The following PAX2 variants were observed in gnomAD, a reference collection of about 807,000 sequenced individuals.
PAX2 encodes the protein paired box protein Pax-2.
Under a neutral mutation model 41.7 loss-of-function variants are expected in PAX2, and 9 were observed. The ratio of observed to expected loss-of-function variants is 0.22; its 90% confidence interval spans 0.13 to 0.38. The LOEUF is 0.38. PAX2 is among the 10% of genes least tolerant of loss of function. The pLI, the probability that PAX2 is intolerant of heterozygous loss-of-function variation, is 1.00. For synonymous variants in PAX2, 221 were observed against 212.7 expected, an observed-to-expected ratio of 1.04 and a Z score of -0.34; for missense variants, 418 against 531.6, an observed-to-expected ratio of 0.79 and a Z score of 2.10.
chr10:100,793,310 C>T (rs1260482982), intron 5 of PAX2, among the ~76,000 whole-genome samples: 1 of 152,242 alleles, frequency 6.6e-6, no homozygotes, highest in African/African-American at 2.4e-5. Flanking sequence ...AGTTGATCTC[C>T]TCGGGGAATT....
chr10:100,813,146 C>A (rs528201614), intron 7 of PAX2, among the ~76,000 whole-genome samples: 50 of 152,352 alleles, frequency 3.3e-4, no homozygotes, highest in African/African-American at 1.2e-3. Flanking sequence ...TGGACAGGCT[C>A]GCTCTAGAAG....
chr10:100,799,805 T>G (rs1847480536), intron 5 of PAX2, among the ~76,000 whole-genome samples: 1 of 148,064 alleles, frequency 6.8e-6, no homozygotes, highest in Admixed American at 6.7e-5. Flanking sequence ...TTTTTTTTTT[T>G]TTTTTCTGAG....
chr10:100,775,722 C>T (rs1846364181), intron 3 of PAX2, among the ~76,000 whole-genome samples: 1 of 152,210 alleles, frequency 6.6e-6, no homozygotes, highest in African/African-American at 2.4e-5. Flanking sequence ...GAGCCACCCA[C>T]AGGCCCAGTG....
At position 100,750,242 on chromosome 10, in the gene PAX2, G is replaced by A. The variant is rs888835486; in HGVS notation, c.212+328G>A. Reference sequence around the variant, plus strand: ...GGTGGGAGACATTAGAGGAATGGGGGGGGAGTGAAAATGGGTCCCCGAGAG... The same window carrying A: ...GGTGGGAGACATTAGAGGAATGGGGAGGGAGTGAAAATGGGTCCCCGAGAG... On this transcript the variant is annotated intron_variant, in intron 2 of 9. Coordinates refer to ENST00000355243, the MANE Select transcript of PAX2 (RefSeq NM_000278.5). This position sits in a 1 kb window ranked among gnomAD's most constrained non-coding sequence, Gnocchi z 4.1. 6.6e-6 allele frequency among the ~76,000 whole-genome samples: 1 copy of A among 152,046 alleles called. No homozygotes were observed. The highest frequency in any genetic ancestry group is 1.5e-5 in the Non-Finnish European group (1 of 68,008).
chr10:100,776,439 C>T (rs192919518), intron 3 of PAX2, among the ~76,000 whole-genome samples: 1 of 152,358 alleles, frequency 6.6e-6, no homozygotes, highest in East Asian at 1.9e-4. Flanking sequence ...TTCTTCTCCA[C>T]TGACTTAGGT....
At chr10:100,802,820 C>T (rs968702501) in intron 5 of PAX2, among the ~76,000 whole-genome samples, 1 of 152,146 alleles carries the variant, frequency 6.6e-6, no homozygotes, top group African/African-American at 2.4e-5. Context: ...TCCTTCCCTG[C>T]TCACTAGATT....
At chr10:100,737,917 C>G (rs989500949) in intron 1 of PAX2, among the ~76,000 whole-genome samples, 2 of 152,162 alleles carry the variant, frequency 1.3e-5, no homozygotes, top group African/African-American at 4.8e-5. Context: ...TCCGGAGCAG[C>G]GAAAACCATC....
intron 7 of PAX2, among the ~76,000 whole-genome samples, chr10:100,818,203 G>A (rs1848253027): frequency 1.3e-5 from 2 of 152,190 alleles, no homozygotes; most frequent in South Asian, 4.1e-4. Flanking sequence ...CATTTTCAGA[G>A]AAAGATGCTG....
chr10:100,751,634 G>C (rs764008452), intron 3 of PAX2, among the ~76,000 whole-genome samples: 1 of 152,224 alleles, frequency 6.6e-6, no homozygotes, highest in Non-Finnish European at 1.5e-5. Flanking sequence ...TCAGCTTGAC[G>C]TGTAGGATAT....
At chr10:100,749,487 G>C (rs1564705858) in intron 1 of PAX2, 2 of 1,308,078 alleles carry the variant, frequency 1.5e-6, no homozygotes, top group Admixed American at 7.6e-5. Flanking sequence ...TTTCTCTCCA[G>C]TCCCCCCTTT....
chr10:100,782,409 T>C (rs1189584763), intron 5 of PAX2, among the ~76,000 whole-genome samples: 1 of 152,264 alleles, frequency 6.6e-6, no homozygotes, highest in Non-Finnish European at 1.5e-5. Flanking sequence ...CAATAAATTA[T>C]GTGGTCATTC....
At chr10:100,747,815 C>G in intron 1 of PAX2, 1 of 985,070 alleles carries the variant, frequency 1.0e-6, no homozygotes, top group African/African-American at 1.7e-5. Context: ...GGAGTGGAAC[C>G]GGGTCCACAC....
At chr10:100,747,946 C>T (rs1845262874) in intron 1 of PAX2, 4 of 983,248 alleles carry the variant, frequency 4.1e-6, no homozygotes, top group African/African-American at 1.8e-5. Context: ...ACTTTGAAAC[C>T]CAAAGGTTTC....
intron 7 of PAX2, among the ~76,000 whole-genome samples, chr10:100,815,627 G>A (rs1236410580): frequency 2.0e-5 from 3 of 152,112 alleles, no homozygotes; most frequent in Non-Finnish European, 4.4e-5. Flanking sequence ...CAGATATGCG[G>A]CTGCTCTCGG....
chr10:100,762,214 C>A (rs1236028215), intron 3 of PAX2, among the ~76,000 whole-genome samples: 43 of 146,856 alleles, frequency 2.9e-4, no homozygotes, highest in East Asian at 1.8e-3. Flanking sequence ...AAAAAAAAAA[C>A]AAAACTAAGT....
At chr10:100,794,267 G>A (rs529757556) in intron 5 of PAX2, among the ~76,000 whole-genome samples, 7 of 152,342 alleles carry the variant, frequency 4.6e-5, no homozygotes, top group South Asian at 4.2e-4. Flanking sequence ...GGAAGACCAC[G>A]GGACGTGGGA....
At chr10:100,739,272 G>C (rs1222692312) in intron 1 of PAX2, among the ~76,000 whole-genome samples, 1 of 152,176 alleles carries the variant, frequency 6.6e-6, no homozygotes, top group Non-Finnish European at 1.5e-5. Context: ...CCCTGCGTTC[G>C]GGTCCTTTGT....
At chr10:100,808,148 T>C (rs1847860301) in intron 6 of PAX2, among the ~76,000 whole-genome samples, 1 of 152,148 alleles carries the variant, frequency 6.6e-6, no homozygotes, top group African/African-American at 2.4e-5. Flanking sequence ...GAAGCCTAAT[T>C]GAGTTCATTT....
At chr10:100,749,536 C>T (rs1589811602) in intron 1 of PAX2, 1 of 1,359,562 alleles carries the variant, frequency 7.4e-7, no homozygotes, top group East Asian at 2.8e-5. Flanking sequence ...GTCGCCCTCT[C>T]GCCCAGCCCC....
Sources: allele counts gnomAD v4.1 joint callset (sites outside exome capture counted in the v4.1 genomes callset), GRCh38; gene constraint gnomAD v4.1.1; non-coding constraint Gnocchi (gnomAD v3.1); transcripts MANE v1.5; gene names NCBI Gene and HGNC (gene_info 2026-07-23, HGNC 2026-07-21).